Variants in LAMA2 observed in about 807,000 individuals in gnomAD.
The protein encoded by LAMA2 is laminin subunit alpha 2, also known as laminin subunit alpha-2.
LAMA2 carries 269 observed loss-of-function variants against 364.8 expected under a neutral mutation model. The observed-to-expected ratio is 0.74, with a 90% CI of 0.67 to 0.82. The LOEUF (loss-of-function observed/expected upper bound fraction) is 0.82, where lower values mean the gene tolerates loss of function less well. Ranked by LOEUF, LAMA2 falls within the 40% of genes least tolerant of loss-of-function variation. LAMA2 has a pLI of 0.00. For synonymous variants in LAMA2, 1,379 were observed against 1,370.6 expected, an observed-to-expected ratio of 1.01 and a Z score of -0.14; for missense variants, 3,807 against 3,873.2, an observed-to-expected ratio of 0.98 and a Z score of 0.45.
intron 20 of LAMA2, among the ~76,000 whole-genome samples, chr6:129,293,543 G>T (rs971435055): frequency 6.8e-4 from 103 of 152,214 alleles, no homozygotes; most frequent in African/African-American, 2.3e-3. Flanking sequence ...TACAACAAAT[G>T]CAAGAAACAC....
rs562984820 is a variant in LAMA2, at chr6:129,340,490, A to G, written c.4312-1853A>G. 4.6e-5 allele frequency among the ~76,000 whole-genome samples: 7 copies of G among 152,266 alleles called. No individual in the cohort carries two copies. In the South Asian group the frequency reaches 1.5e-3, roughly 32 times the overall value. ...GGAAAATAATGTGGCAATATACTGA[A>G]TTGTTTGCCAGGAAACCAAGGGAGC... On this transcript the variant is annotated intron_variant, in intron 29 of 64. Coordinates refer to ENST00000421865, the MANE Select transcript of LAMA2 (RefSeq NM_000426.4).
intron 1 of LAMA2, among the ~76,000 whole-genome samples, chr6:128,907,034 T>C (rs1157033474): frequency 4.0e-5 from 6 of 150,124 alleles, no homozygotes; most frequent in South Asian, 2.1e-4. Flanking sequence ...TTTTGGTTAC[T>C]GTAGACTTGT....
chr6:129,300,885 C>T lies in LAMA2; in HGVS notation c.3174+13C>T. 1 of 1,613,306 alleles carries T rather than the reference C, an allele frequency of 6.2e-7. No homozygotes were observed. Among genetic ancestry groups the T allele is most frequent in the Non-Finnish European group, 8.5e-7 (1 of 1,179,336 alleles). On this transcript the variant is annotated intron_variant, in intron 22 of 64. Coordinates refer to ENST00000421865, the MANE Select transcript of LAMA2 (RefSeq NM_000426.4). ...CACTGGTTGTAAGGTGAGTGAACCACTTTTTTGCTCTGATAATTTTTTGGA... is the reference window on the plus strand; with the variant it reads ...CACTGGTTGTAAGGTGAGTGAACCATTTTTTTGCTCTGATAATTTTTTGGA...
intron 7 of LAMA2, among the ~76,000 whole-genome samples, chr6:129,151,815 G>C (rs1303300068): frequency 6.6e-6 from 1 of 152,112 alleles, no homozygotes; most frequent in African/African-American, 2.4e-5. Context: ...TCCATACGTG[G>C]AGATTACAAT....
At chr6:129,108,331 A>C (rs116974519) in intron 4 of LAMA2, among the ~76,000 whole-genome samples, 1 of 151,978 alleles carries the variant, frequency 6.6e-6, no homozygotes, top group Non-Finnish European at 1.5e-5. Context: ...ACTTGTTAGA[A>C]TTTTGTTTGC....
intron 1 of LAMA2, among the ~76,000 whole-genome samples, chr6:128,941,640 A>G (rs1335625047): frequency 6.6e-6 from 1 of 152,262 alleles, no homozygotes; most frequent in Non-Finnish European, 1.5e-5. Flanking sequence ...AAAATAAATG[A>G]CATTCTGGAA....
chr6:129,124,301 C>A (rs1162937672), intron 4 of LAMA2, among the ~76,000 whole-genome samples: 1 of 152,074 alleles, frequency 6.6e-6, no homozygotes, highest in Non-Finnish European at 1.5e-5. Context: ...AAGTGAACAG[C>A]CTTGGAAGGT....
chr6:129,467,351 C>G (rs1783593576), intron 51 of LAMA2, among the ~76,000 whole-genome samples: 1 of 151,524 alleles, frequency 6.6e-6, no homozygotes, highest in South Asian at 2.1e-4. Context: ...ACTGGGGACT[C>G]CAAAAGGGGG....
At chr6:129,419,885 A>G (rs1780987435) in intron 40 of LAMA2, among the ~76,000 whole-genome samples, 1 of 152,046 alleles carries the variant, frequency 6.6e-6, no homozygotes, top group African/African-American at 2.4e-5. Flanking sequence ...TTTTTTACTC[A>G]TTATTTAATT....
intron 1 of LAMA2, among the ~76,000 whole-genome samples, chr6:129,039,846 T>G (rs1355806977): frequency 6.6e-6 from 1 of 152,188 alleles, no homozygotes; most frequent in African/African-American, 2.4e-5. Context: ...GCTCAGGTGG[T>G]AATGCTTGTT....
At chr6:129,203,020 G>A (rs1782401682) in intron 12 of LAMA2, among the ~76,000 whole-genome samples, 1 of 152,184 alleles carries the variant, frequency 6.6e-6, no homozygotes, top group Non-Finnish European at 1.5e-5. Context: ...TAACACCATG[G>A]TTAAGGAATG....
At chr6:128,993,890 A>G (rs938787629) in intron 1 of LAMA2, among the ~76,000 whole-genome samples, 2 of 152,226 alleles carry the variant, frequency 1.3e-5, no homozygotes, top group Non-Finnish European at 2.9e-5. Flanking sequence ...TTTGAATTAA[A>G]GACTAATCAA....
At position 129,288,079 on chromosome 6, in the gene LAMA2, GC is replaced by G. The variant is rs752305012; in HGVS notation, c.2749+25del. On this transcript the variant is annotated intron_variant, in intron 19 of 64. Transcript: ENST00000421865. ...TCAGCGTAAGTCCTGAACTATTGAT[GC>G]CCCTGACAGAATTGATGTATTGTAC... 11 of 1,595,430 alleles carry G rather than the reference GC, an allele frequency of 6.9e-6. No individual in the cohort carries two copies. The East Asian group carries it at 2.5e-4, about 36-fold the overall frequency.
At chr6:129,431,510 C>T (rs1225062243) in intron 41 of LAMA2, among the ~76,000 whole-genome samples, 1 of 151,892 alleles carries the variant, frequency 6.6e-6, no homozygotes, top group Non-Finnish European at 1.5e-5. Context: ...GGCGGTTTGT[C>T]TCATAGCACT....
At chr6:129,066,715 C>T (rs1478217575) in intron 3 of LAMA2, among the ~76,000 whole-genome samples, 1 of 152,164 alleles carries the variant, frequency 6.6e-6, no homozygotes, top group Non-Finnish European at 1.5e-5. Context: ...ATGCTGCTAA[C>T]TTAAAAACAG....
chr6:129,404,019 T>G, intron 40 of LAMA2, 60 bp downstream of exon 40: 1 of 1,580,836 alleles, frequency 6.3e-7, no homozygotes, highest in South Asian at 1.1e-5. Flanking sequence ...ATTTTTCAAA[T>G]GTAAGTCAGT....
intron 1 of LAMA2, among the ~76,000 whole-genome samples, chr6:128,993,305 T>C (rs887830589): frequency 9.9e-5 from 15 of 152,244 alleles, no homozygotes; most frequent in African/African-American, 3.6e-4. Context: ...GACTTAACAA[T>C]GAGTGAACAG....
chr6:129,346,864 A>T (rs1776584768), intron 30 of LAMA2, among the ~76,000 whole-genome samples: 1 of 152,168 alleles, frequency 6.6e-6, no homozygotes, highest in African/African-American at 2.4e-5. Flanking sequence ...ATTTTAGATG[A>T]GGTGGTCCAT....
chr6:128,977,498 G>A (rs1782608174), intron 1 of LAMA2, among the ~76,000 whole-genome samples: 1 of 151,998 alleles, frequency 6.6e-6, no homozygotes, highest in Non-Finnish European at 1.5e-5. Flanking sequence ...CCTGGGCCAA[G>A]TGATCCTTCT....
Sources: gnomAD v4.1 joint callset for allele counts (sites outside exome capture counted in the v4.1 genomes callset) on GRCh38, gnomAD v4.1.1 for gene constraint, MANE v1.5 for transcripts, NCBI Gene and HGNC (gene_info 2026-07-23, HGNC 2026-07-21) for gene names.